Variants in ZYG11A observed in about 807,000 individuals in gnomAD.
The protein encoded by ZYG11A is zyg-11 family member A, cell cycle regulator.
A neutral mutation model predicts 77.2 loss-of-function variants in ZYG11A; 62 were observed. The ratio of observed to expected loss-of-function variants is 0.80; its 90% CI spans 0.65 to 0.99. ZYG11A has a LOEUF of 0.99. ZYG11A is among the 50% of genes least tolerant of loss of function. The pLI is 0.00. For synonymous variants in ZYG11A, 315 were observed against 324.6 expected, an observed-to-expected ratio of 0.97 and a Z score of 0.32; for missense variants, 828 against 896.8, an observed-to-expected ratio of 0.92 and a Z score of 0.98.
At chr1:52,844,518 TTTAA>T (rs1645525875) in intron 1 of ZYG11A, among the ~76,000 whole-genome samples, 2 of 152,182 alleles carry the variant, frequency 1.3e-5, no homozygotes, top group African/African-American at 2.4e-5. Flanking sequence ...TTTATTTATT[TTTAA>T]TTAATTATTT....
At chr1:52,878,355 C>T (rs1405074203) in intron 10 of ZYG11A, among the ~76,000 whole-genome samples, 1 of 152,130 alleles carries the variant, frequency 6.6e-6, no homozygotes, top group Non-Finnish European at 1.5e-5. Context: ...GTTGGTGCTG[C>T]TTACCAGCTG....
chr1:52,884,690 T>C (rs1486174304), intron 11 of ZYG11A, among the ~76,000 whole-genome samples: 2 of 152,108 alleles, frequency 1.3e-5, no homozygotes, highest in African/African-American at 2.4e-5. Flanking sequence ...TTGTCAGTAG[T>C]CTGAAAGCCT....
chr1:52,843,120 A>C (rs1645482995), intron 1 of ZYG11A, 147 bp downstream of exon 1: 1 of 614,554 alleles, frequency 1.6e-6, no homozygotes, highest in South Asian at 4.7e-5. Context: ...AGCCCCTTCC[A>C]GGCGCAGGCG....
chr1:52,879,701 C>A (rs1021622823), intron 10 of ZYG11A, among the ~76,000 whole-genome samples: 2 of 152,004 alleles, frequency 1.3e-5, no homozygotes, highest in African/African-American at 4.8e-5. Context: ...ATATCCTGTA[C>A]AATTCTACAT....
At chr1:52,884,155 C>T (rs939398410) in intron 11 of ZYG11A, among the ~76,000 whole-genome samples, 10 of 150,254 alleles carry the variant, frequency 6.7e-5, no homozygotes, top group African/African-American at 1.2e-4. Flanking sequence ...GCTGGGATTA[C>T]AGGAGTCAGG....
chr1:52,857,347 T>C lies in ZYG11A; in HGVS notation c.606T>C (p.Ser202=). The C allele has an allele frequency of 6.4e-7, 1 of 1,551,858 alleles. No individual in the cohort carries two copies. The change falls in exon 3 of 14, where the codon TCT becomes TCC. Residue 202 remains serine, a synonymous_variant. Coordinates refer to ENST00000371528, the MANE Select transcript of ZYG11A (RefSeq NM_001004339.3). ...CFHTEDLANV[S]QLPRLESLDI... ...ATACTGAAGACCTGGCTAATGTTTCTCAGTTACCAAGACTGGAAAGCTTAG... is the reference window on the plus strand; with the variant it reads ...ATACTGAAGACCTGGCTAATGTTTCCCAGTTACCAAGACTGGAAAGCTTAG...
chr1:52,887,863 C>T (rs997026833), intron 13 of ZYG11A, among the ~76,000 whole-genome samples: 11 of 151,972 alleles, frequency 7.2e-5, no homozygotes, highest in African/African-American at 2.4e-4. Flanking sequence ...AAATAAAATC[C>T]CCTTTGAGAA....
chr1:52,860,464 AT>A (rs1303642605), intron 3 of ZYG11A, among the ~76,000 whole-genome samples: 2 of 152,048 alleles, frequency 1.3e-5, no homozygotes, highest in Non-Finnish European at 2.9e-5. Flanking sequence ...CGCCTGGCTA[AT>A]TTTTGTAATT....
rs902969274 is a variant in ZYG11A, at chr1:52,870,262, TGG to T, written c.1542+2487_1542+2488del. Among the ~76,000 whole-genome samples the T allele has an allele frequency of 1.7e-4, 18 of 105,116 alleles. No individual in the cohort carries two copies. The Admixed American group carries it at 1.8e-3, about 10-fold the overall frequency. 69.0% of individuals were successfully genotyped at this position (105,116 alleles called of 152,430 possible). On this transcript the variant is annotated intron_variant, in intron 8 of 13. Transcript: ENST00000371528. The stretch of plus-strand genomic sequence containing the variant: ...CAGAGACGCTCCTCACTTTCCAGAC[TGG>T]GCAGCCAGGCAGAGGGGCTCCTCAC...
In ZYG11A at chr1:52,867,734, C is replaced by T. The variant is rs1646052906; in HGVS notation, c.1499C>T (p.Pro500Leu). Residue 500 changes from proline (P) to leucine (L), a missense_variant, in exon 8 of 14, where the codon CCT becomes CTT. By Grantham distance (98) the Pro-to-Leu change is moderately conservative. Transcript: ENST00000371528. The stretch of plus-strand genomic sequence containing the variant: ...CTTTCTGTTTGCTTATAGCTCTCAC[C>T]TGAGCAAACGGCACAGCTTGAAGAG... ...VTSILALQLS[P>L]EQTAQLEELF... 6.4e-7 allele frequency: 1 copy of T among 1,551,510 alleles called. No individual in the cohort carries two copies. Among genetic ancestry groups the T allele is most frequent in the African/African-American group, 1.4e-5 (1 of 73,094 alleles).
rs1646465224 is a variant in ZYG11A, at chr1:52,887,021, T to G, written c.2072T>G (p.Leu691Arg). The stretch of plus-strand genomic sequence containing the variant: ...CAACCAGAGGTTCAGCTCTGGGCAC[T>G]ATGGGCTATGTATCATGTCTGCAGT... ...FSQPEVQLWA[L>R]WAMYHVCSKN... The change falls in exon 13 of 14, where the codon CTA becomes CGA. Residue 691 changes from leucine (L) to arginine (R), a missense_variant. Leu to Arg is a moderately radical substitution (Grantham distance 102). Transcript: ENST00000371528. 6.5e-7 allele frequency: 1 copy of G among 1,546,866 alleles called. No homozygotes were observed.
chr1:52,858,688 C>T (rs965469034), intron 3 of ZYG11A, among the ~76,000 whole-genome samples: 2 of 150,766 alleles, frequency 1.3e-5, no homozygotes, highest in African/African-American at 4.9e-5. Flanking sequence ...TCTCGGCTCA[C>T]TGCAACCTTC....
intron 1 of ZYG11A, among the ~76,000 whole-genome samples, chr1:52,850,319 ATT>A (rs1333938329): frequency 1.3e-4 from 17 of 134,002 alleles, no homozygotes; most frequent in Middle Eastern, 4.0e-3. Context: ...ACGCCCAGCT[ATT>A]TTTTTTTTTT....
At chr1:52,857,863 C>G (rs1490219106) in intron 3 of ZYG11A, 114 bp downstream of exon 3, 1 of 798,690 alleles carries the variant, frequency 1.3e-6, no homozygotes, top group African/African-American at 1.8e-5. Flanking sequence ...TAAAAAAATC[C>G]TTAAAGAGCT....
At chr1:52,868,071 A>AT (rs35411256) in intron 8 of ZYG11A, among the ~76,000 whole-genome samples, 97,338 of 148,624 alleles carry the variant, frequency 0.65, 32,860 homozygotes, top group African/African-American at 0.8. Context: ...GGTTCACGCG[A>AT]TCCCCTGCCT....
Position 52,857,460 on chromosome 1 carries a change from G to A in ZYG11A, c.719G>A (p.Cys240Tyr), listed in dbSNP as rs762763583. 88 of 1,552,046 alleles carry A rather than the reference G, an allele frequency of 5.7e-5. 1 individual carries two copies. Among genetic ancestry groups the A allele is most frequent in the South Asian group, 3.6e-5 (3 of 84,062 alleles). The change falls in exon 3 of 14, where the codon TGC becomes TAC. Residue 240 changes from cysteine to tyrosine, a missense_variant. Coordinates refer to ENST00000371528, the MANE Select transcript of ZYG11A (RefSeq NM_001004339.3). ...LKSLTMHYLK[C>Y]LAMTKSQILA... ...TCTCTCACAATGCACTATCTGAAAT[G>A]CCTGGCCATGACCAAATCACAAATT...
At chr1:52,850,742 CTATG>C (rs1162642719) in intron 1 of ZYG11A, among the ~76,000 whole-genome samples, 1 of 152,198 alleles carries the variant, frequency 6.6e-6, no homozygotes, top group South Asian at 2.1e-4. Context: ...GCATGAGCCA[CTATG>C]TCTGGCCTGG....
intron 13 of ZYG11A, among the ~76,000 whole-genome samples, chr1:52,890,249 G>GTTTTTTTTTTTTT (rs908467307): frequency 1.4e-5 from 1 of 71,658 alleles, no homozygotes. Context: ...TTTTCTTTTA[G>GTTTTTTTTTTTTT]TTTTTTTTTT....
At chr1:52,850,714 A>G (rs985909833) in intron 1 of ZYG11A, among the ~76,000 whole-genome samples, 3 of 152,102 alleles carry the variant, frequency 2.0e-5, no homozygotes, top group Non-Finnish European at 2.9e-5. Flanking sequence ...TCGGCCTCCA[A>G]AAGCTCTGGG....
Sources: allele counts gnomAD v4.1 joint callset (sites outside exome capture counted in the v4.1 genomes callset), GRCh38; gene constraint gnomAD v4.1.1; transcripts MANE v1.5; gene names NCBI Gene and HGNC (gene_info 2026-07-23, HGNC 2026-07-21).